ICA1: variants seen among roughly 807,000 people sequenced by gnomAD.
ICA1 encodes islet cell autoantigen 1, also known as 69 kDa islet cell autoantigen.
In ICA1, 40 loss-of-function variants were observed where a neutral mutation model predicts 71.0. That is an observed-to-expected ratio of 0.56 (90% CI 0.44 to 0.73). The LOEUF is 0.73. ICA1 is among the 30% of genes least tolerant of loss of function. ICA1 has a pLI of 0.00. For synonymous variants in ICA1, 207 were observed against 209.5 expected (o/e 0.99, Z 0.10); for missense variants, 578 against 576.5 (o/e 1.00, Z -0.03).
intron 8 of ICA1, among the ~76,000 whole-genome samples, chr7:8,154,604 C>T (rs1158491851): frequency 6.6e-6 from 1 of 152,152 alleles, no homozygotes; most frequent in Non-Finnish European, 1.5e-5. Flanking sequence ...GGTAAATCAA[C>T]AGAATAAATT....
intron 13 of ICA1, 150 bp downstream of exon 13, chr7:8,127,723 G>A: frequency 4.9e-6 from 4 of 813,102 alleles, no homozygotes; most frequent in Non-Finnish European, 7.8e-6. Context: ...GAAACATAAA[G>A]TTGGAATGTG....
intron 6 of ICA1, among the ~76,000 whole-genome samples, chr7:8,193,058 G>T (rs1175146570): frequency 4.6e-5 from 7 of 152,148 alleles, no homozygotes; most frequent in Non-Finnish European, 8.8e-5. Flanking sequence ...CAAAGATCTG[G>T]TTTCTAGATA....
chr7:8,229,374 G>A (rs191185656), intron 3 of ICA1, among the ~76,000 whole-genome samples: 290 of 152,338 alleles, frequency 1.9e-3, no homozygotes, highest in African/African-American at 6.6e-3. Context: ...ATTTCAATGC[G>A]TGGCGGTTCC....
At chr7:8,147,444 C>T (rs1797409619) in intron 8 of ICA1, among the ~76,000 whole-genome samples, 2 of 152,090 alleles carry the variant, frequency 1.3e-5, no homozygotes, top group African/African-American at 4.8e-5. Context: ...TTGCTCCTCT[C>T]TTCCTACTAT....
At chr7:8,174,771 A>AAAAAAAAAAAAAAAAAACAAAAAACC (rs1554310916) in intron 6 of ICA1, among the ~76,000 whole-genome samples, 1 of 106,028 alleles carries the variant, frequency 9.4e-6, no homozygotes, top group Non-Finnish European at 2.0e-5. Flanking sequence ...AAAAAAAAAA[A>AAAAAAAAAAAAAAAAAACAAAAAACC]AAAAAAAACA....
chr7:8,157,379 A>C, intron 7 of ICA1, 165 bp from the exon 8 acceptor site: 1 of 674,428 alleles, frequency 1.5e-6, no homozygotes, highest in East Asian at 2.9e-5. Flanking sequence ...TATTTCAGCC[A>C]AACTAAATGC....
rs1789919595 is a variant in ICA1 at position 8,127,957 on chromosome 7, C to T, written c.1246G>A (p.Asp416Asn). 1 of 1,614,096 alleles carries T rather than the reference C, an allele frequency of 6.2e-7. No individual in the cohort carries two copies. The highest frequency in any genetic ancestry group is 1.3e-5 in the African/African-American group (1 of 74,936). ...CCTGAGCCTGTCTGGGCCTTGGGGTCTGGCTCTCCCAGGGCCATAGTGGGC... is the reference window on the plus strand; with the variant it reads ...CCTGAGCCTGTCTGGGCCTTGGGGTTTGGCTCTCCCAGGGCCATAGTGGGC... ...PVPTMALGEP[D>N]PKAQTGSGFL... The change falls in exon 13 of 14, where the codon GAC becomes AAC. Residue 416 changes from aspartate to asparagine, a missense_variant. Asp to Asn is a conservative substitution (Grantham distance 23). Transcript: ENST00000402384.
At chr7:8,193,417 C>T (rs1295584571) in intron 6 of ICA1, among the ~76,000 whole-genome samples, 10 of 152,204 alleles carry the variant, frequency 6.6e-5, no homozygotes, top group Non-Finnish European at 4.4e-5. Context: ...CCACTGTCCA[C>T]AACTTATCTG....
chr7:8,249,499 A>G (rs1394200284), intron 1 of ICA1, among the ~76,000 whole-genome samples: 4 of 152,186 alleles, frequency 2.6e-5, no homozygotes, highest in Non-Finnish European at 4.4e-5. Context: ...TGGACATTCA[A>G]TGCTGTTTAT....
intron 6 of ICA1, among the ~76,000 whole-genome samples, chr7:8,191,320 T>TTGATTTA (rs1785541306): frequency 3.3e-5 from 5 of 152,224 alleles, no homozygotes; most frequent in Admixed American, 3.3e-4. Flanking sequence ...TTGCCATGGT[T>TTGATTTA]TGATTTATGA....
rs377152996 is a variant in ICA1 at position 8,191,921 on chromosome 7, G to A, written c.579+26384C>T. The stretch of plus-strand genomic sequence containing the variant: ...AGTTGCAAGAATTCTTTGTATGCCT[G>A]GATACCCTTCACCCAGATTCCCAAA... On this transcript the variant is annotated intron_variant, in intron 6 of 13. Transcript: ENST00000402384. Among the ~76,000 whole-genome samples the A allele has an allele frequency of 2.6e-5, 4 of 151,922 alleles. No individual in the cohort carries two copies. In the South Asian group the frequency reaches 8.3e-4, roughly 32 times the overall value.
intron 6 of ICA1, among the ~76,000 whole-genome samples, chr7:8,192,359 C>T (rs1785972704): frequency 6.6e-6 from 1 of 152,190 alleles, no homozygotes; most frequent in Admixed American, 6.5e-5. Context: ...GATGTGTCCT[C>T]ACACTTAAAT....
intron 6 of ICA1, among the ~76,000 whole-genome samples, chr7:8,187,240 A>G (rs1453889104): frequency 3.3e-5 from 5 of 152,234 alleles, no homozygotes; most frequent in Non-Finnish European, 7.3e-5. Context: ...AAAGCATTAT[A>G]TTACACATGA....
chr7:8,159,122 A>G (rs531047292), intron 6 of ICA1, among the ~76,000 whole-genome samples: 1 of 152,338 alleles, frequency 6.6e-6, no homozygotes, highest in East Asian at 1.9e-4. Context: ...CCTATTTACT[A>G]ACCTACAGAC....
At chr7:8,119,570 G>A (rs1230770520) in intron 13 of ICA1, among the ~76,000 whole-genome samples, 1 of 152,244 alleles carries the variant, frequency 6.6e-6, no homozygotes, top group Non-Finnish European at 1.5e-5. Context: ...CAGAGGCCGG[G>A]TGTGGTGGCT....
chr7:8,245,525 T>TAA (rs1349930508), intron 1 of ICA1, among the ~76,000 whole-genome samples: 1 of 152,088 alleles, frequency 6.6e-6, no homozygotes, highest in Non-Finnish European at 1.5e-5. Context: ...AGCCTGCACG[T>TAA]TGTGCTCATG....
chr7:8,139,051 T>C lies in ICA1; in HGVS notation c.956-4A>G. On this transcript the variant is annotated splice_region_variant and splice_polypyrimidine_tract_variant and intron_variant, in intron 10 of 13. Transcript: ENST00000402384. The stretch of plus-strand genomic sequence containing the variant: ...AAAATACTTTTTCCATCTTCAGCTG[T>C]AATATAACATGTGCAACTGGTTACC... The C allele has an allele frequency of 6.2e-7, 1 of 1,610,298 alleles. No homozygotes were observed. Among genetic ancestry groups the C allele is most frequent in the Non-Finnish European group, 8.5e-7 (1 of 1,176,646 alleles).
intron 8 of ICA1, among the ~76,000 whole-genome samples, chr7:8,146,205 G>A (rs1464892160): frequency 6.6e-6 from 1 of 152,104 alleles, no homozygotes; most frequent in Non-Finnish European, 1.5e-5. Context: ...TAAAACCGAG[G>A]GATAGAAAGT....
intron 3 of ICA1, among the ~76,000 whole-genome samples, chr7:8,231,087 G>C (rs1481671689): frequency 6.6e-6 from 1 of 151,972 alleles, no homozygotes; most frequent in Non-Finnish European, 1.5e-5. Flanking sequence ...GGGTGGGGTA[G>C]GTGGGGAGCA....
Sources: allele counts gnomAD v4.1 joint callset (sites outside exome capture counted in the v4.1 genomes callset), GRCh38; gene constraint gnomAD v4.1.1; transcripts MANE v1.5; gene names NCBI Gene and HGNC (gene_info 2026-07-23, HGNC 2026-07-21).